The following ATR variants were observed in gnomAD, a reference collection of about 807,000 sequenced individuals.
ATR encodes the protein serine/threonine-protein kinase ATR.
In ATR, 142 loss-of-function variants were observed where a neutral mutation model predicts 305.3. The observed-to-expected ratio is 0.47, with a 90% CI of 0.41 to 0.53. The LOEUF (loss-of-function observed/expected upper bound fraction) is 0.53. Ranked by LOEUF, ATR falls within the 20% of genes least tolerant of loss-of-function variation. ATR has a pLI of 0.00. For missense variants in ATR, 2,135 were observed against 3,133.1 expected (o/e 0.68, Z 7.60); for synonymous variants, 1,050 against 1,068.1 (o/e 0.98, Z 0.33).
At chr3:142,544,803 C>T (rs2034206817) in intron 16 of ATR, among the ~76,000 whole-genome samples, 1 of 151,946 alleles carries the variant, frequency 6.6e-6, no homozygotes, top group South Asian at 2.1e-4. Flanking sequence ...AGTGAGGTAT[C>T]CTACAAGTCT....
At chr3:142,535,689 T>C (rs2033831964) in intron 20 of ATR, among the ~76,000 whole-genome samples, 1 of 152,188 alleles carries the variant, frequency 6.6e-6, no homozygotes, top group Admixed American at 6.5e-5. Flanking sequence ...TTATAAATTA[T>C]TCCCCTTCTA....
At chr3:142,556,604 T>C in intron 8 of ATR, 29 bp from the exon 9 acceptor site, 2 of 1,599,686 alleles carry the variant, frequency 1.3e-6, no homozygotes, top group Non-Finnish European at 1.7e-6. Context: ...TTAAACAAGA[T>C]TTCTACTAAT....
At chr3:142,554,234 T>A (rs2034581663) in intron 10 of ATR, among the ~76,000 whole-genome samples, 1 of 152,174 alleles carries the variant, frequency 6.6e-6, no homozygotes, top group South Asian at 2.1e-4. Flanking sequence ...TCACTTTTTT[T>A]TTTTGATATA....
At chr3:142,507,874 C>T in intron 28 of ATR, 57 bp downstream of exon 28, 1 of 1,455,766 alleles carries the variant, frequency 6.9e-7, no homozygotes. Context: ...ACAACATAAA[C>T]ATAAAAGACT....
At chr3:142,534,898 C>G (rs1306781845) in intron 21 of ATR, among the ~76,000 whole-genome samples, 182 bp downstream of exon 21, 2 of 152,088 alleles carry the variant, frequency 1.3e-5, no homozygotes, top group Non-Finnish European at 2.9e-5. Context: ...CTGCAAATCC[C>G]TAAGATTCAA....
In ATR at chr3:142,562,323, C is replaced by T. The variant is rs751784387; in HGVS notation, c.1079G>A (p.Gly360Glu). The change falls in exon 4 of 47, where the codon GGG (glycine) becomes GAG (glutamate). Residue 360 changes from glycine (G) to glutamate (E), a missense_variant. By Grantham distance (98) the Gly-to-Glu change is moderately conservative. Coordinates refer to ENST00000350721, the MANE Select transcript of ATR (RefSeq NM_001184.4). ...CCTGACTTGTAAAGCAGATTCATAC[C>T]CAGCTGGCACAAATTTAAGGAAATA... ...LQYFLKFVPA[G>E]YESALQVRKV... The T allele has an allele frequency of 1.2e-6, 2 of 1,613,986 alleles. No homozygotes were observed. Among genetic ancestry groups the T allele is most frequent in the South Asian group, 1.1e-5 (1 of 91,066 alleles).
At chr3:142,569,691 G>A (rs2035199479) in intron 1 of ATR, among the ~76,000 whole-genome samples, 2 of 151,290 alleles carry the variant, frequency 1.3e-5, no homozygotes, top group Admixed American at 6.6e-5. Flanking sequence ...TCTGTCACCA[G>A]GCTGGAGTGC....
rs145703442 is a variant in ATR at position 142,570,701 on chromosome 3, C to T, written c.60-2547G>A. Among the ~76,000 whole-genome samples, 185 of 152,288 alleles carry T rather than the reference C, an allele frequency of 1.2e-3. 1 individual carries two copies. The highest frequency in any genetic ancestry group is 4.7e-3 in the Admixed American group (72 of 15,308). On this transcript the variant is annotated intron_variant, in intron 1 of 46. Transcript: ENST00000350721. Reference sequence around the variant, plus strand: ...CCATGCCCGGCCCCCTCTATGTTCACTTCTAAGAGTTTCATAGTTTTAGTT... The same window carrying T: ...CCATGCCCGGCCCCCTCTATGTTCATTTCTAAGAGTTTCATAGTTTTAGTT...
chr3:142,452,281 T>G, intron 46 of ATR: 3 of 992,262 alleles, frequency 3.0e-6, no homozygotes, highest in Non-Finnish European at 3.6e-6. Context: ...ATAGTTGGTA[T>G]AATTCATTGT....
chr3:142,490,008 C>T (rs976828227), intron 35 of ATR, among the ~76,000 whole-genome samples: 16 of 152,020 alleles, frequency 1.1e-4, no homozygotes, highest in Admixed American at 6.6e-4. Context: ...TGCTTTTTGG[C>T]CATTTGCGTG....
intron 36 of ATR, among the ~76,000 whole-genome samples, chr3:142,476,974 T>A (rs143011613): frequency 6.6e-6 from 1 of 152,228 alleles, no homozygotes; most frequent in East Asian, 1.9e-4. Flanking sequence ...AAGTTGCTTA[T>A]CAGCTTAAAG....
At chr3:142,553,455 C>T in intron 12 of ATR, 57 bp from the exon 13 acceptor site, 2 of 1,494,244 alleles carry the variant, frequency 1.3e-6, no homozygotes, top group Non-Finnish European at 9.3e-7. Flanking sequence ...CACACACACA[C>T]ACATACACAC....
intron 46 of ATR, chr3:142,452,689 C>A: frequency 9.6e-7 from 1 of 1,044,238 alleles, no homozygotes; most frequent in South Asian, 3.1e-5. Flanking sequence ...CAACAACCAC[C>A]ACCACCACCA....
At chr3:142,528,126 C>A (rs575799414) in intron 21 of ATR, among the ~76,000 whole-genome samples, 47 of 152,320 alleles carry the variant, frequency 3.1e-4, no homozygotes, top group African/African-American at 1.1e-3. Context: ...AGCAAACTAA[C>A]ACAAAGATCC....
intron 34 of ATR, among the ~76,000 whole-genome samples, chr3:142,494,972 G>C (rs576888370): frequency 6.6e-6 from 1 of 152,238 alleles, no homozygotes; most frequent in African/African-American, 2.4e-5. Context: ...ATAAGAGGGA[G>C]AGGATTCAAG....
In ATR at chr3:142,547,928, T is replaced by C. The variant is rs748072004; in HGVS notation, c.3172-18A>G. On this transcript the variant is annotated intron_variant, in intron 15 of 46. Coordinates refer to ENST00000350721, the MANE Select transcript of ATR (RefSeq NM_001184.4). ...GTTTCATTCTAACCCAAAGACATGT[T>C]AAAAAAAATTTTTTTCTTCATACTA... is the stretch of plus-strand genomic sequence containing the variant. 4 of 1,612,598 alleles carry C rather than the reference T, an allele frequency of 2.5e-6. No individual in the cohort carries two copies. Among genetic ancestry groups the C allele is most frequent in the Non-Finnish European group, 3.4e-6 (4 of 1,179,284 alleles).
chr3:142,467,305 A>T (rs2071153996), intron 39 of ATR, among the ~76,000 whole-genome samples: 1 of 152,034 alleles, frequency 6.6e-6, no homozygotes, highest in African/African-American at 2.4e-5. Context: ...TTATGGGGTT[A>T]CTCCTGTAAC....
chr3:142,465,263 T>C lies in ATR; in HGVS notation c.6898-23A>G, dbSNP rs780907647. 3.7e-6 allele frequency: 6 copies of C among 1,600,934 alleles called. No homozygotes were observed. In the South Asian group the frequency reaches 6.6e-5, roughly 18 times the overall value. On this transcript the variant is annotated intron_variant, in intron 40 of 46. Transcript: ENST00000350721. Reference sequence around the variant, plus strand: ...CACCTAAAAGATGATGAGTTATATATGAATTAGGGCCAAAAATTTCTGTGT... The same window carrying C: ...CACCTAAAAGATGATGAGTTATATACGAATTAGGGCCAAAAATTTCTGTGT...
At chr3:142,553,529 CATTT>C in intron 12 of ATR, 107 bp downstream of exon 12, 1 of 1,449,250 alleles carries the variant, frequency 6.9e-7, no homozygotes, top group Non-Finnish European at 9.5e-7. Flanking sequence ...TGTTGACTCA[CATTT>C]TGTCTATAAT....
Sources: gnomAD v4.1 joint callset for allele counts (sites outside exome capture counted in the v4.1 genomes callset) on GRCh38, gnomAD v4.1.1 for gene constraint, MANE v1.5 for transcripts, NCBI Gene and HGNC (gene_info 2026-07-23, HGNC 2026-07-21) for gene names.